Variants in PRELID2 observed in about 807,000 individuals in gnomAD.
PRELID2 encodes the protein PRELI domain-containing protein 2.
In PRELID2, 25 loss-of-function variants were observed where a neutral mutation model predicts 28.4. That is an observed-to-expected ratio of 0.88 (90% CI 0.64 to 1.23). PRELID2 has a LOEUF of 1.23. Among genes scored for constraint, PRELID2 ranks in the 50% most tolerant of loss-of-function variants. The pLI is 0.00. For missense variants in PRELID2, 201 were observed against 214.4 expected (o/e 0.94, Z 0.39); for synonymous variants, 76 against 71.6 (o/e 1.06, Z -0.31).
At chr5:145,542,755 TTC>T (rs1752754038) in intron 1 of PRELID2, among the ~76,000 whole-genome samples, 1 of 140,122 alleles carries the variant, frequency 7.1e-6, no homozygotes, top group African/African-American at 2.8e-5. Flanking sequence ...TGTAATTTCT[TTC>T]TTTCTTTCTT....
intron 1 of PRELID2, among the ~76,000 whole-genome samples, chr5:145,574,598 G>A (rs184440849): frequency 5.6e-4 from 85 of 152,204 alleles, no homozygotes; most frequent in Admixed American, 4.5e-3. Flanking sequence ...GGTCCTTACC[G>A]ACTTTTGTTT....
chr5:145,409,765 A>AG, the PRELID2 span, among the ~76,000 whole-genome samples: 23 of 151,828 alleles, frequency 1.5e-4, no homozygotes, highest in East Asian at 2.1e-3. Flanking sequence ...AAAAAAAAAA[A>AG]AGACAAAGAG....
chr5:145,274,986 T>C, the PRELID2 span, among the ~76,000 whole-genome samples: 2 of 152,306 alleles, frequency 1.3e-5, no homozygotes, highest in South Asian at 4.1e-4. Context: ...CACTATGTCC[T>C]CACTCTGTCT....
At chr5:145,483,700 CCA>C (rs1752187140) in intron 1 of PRELID2, among the ~76,000 whole-genome samples, 1 of 152,112 alleles carries the variant, frequency 6.6e-6, no homozygotes, top group African/African-American at 2.4e-5. Flanking sequence ...TCCTTCAAGA[CCA>C]CACATCCAAC....
intron 1 of PRELID2, among the ~76,000 whole-genome samples, chr5:145,608,571 C>T (rs1173673160): frequency 6.6e-6 from 1 of 152,156 alleles, no homozygotes. Context: ...ATATAGGCCC[C>T]CAATCTTCCA....
At chr5:145,320,808 CTATATT>C in the PRELID2 span, among the ~76,000 whole-genome samples, 1 of 152,112 alleles carries the variant, frequency 6.6e-6, no homozygotes, top group African/African-American at 2.4e-5. Flanking sequence ...GGTTTTAAGA[CTATATT>C]TATGTGTGCA....
At chr5:145,775,938 C>T (rs1758379737) in intron 5 of PRELID2, among the ~76,000 whole-genome samples, 1 of 152,034 alleles carries the variant, frequency 6.6e-6, no homozygotes, top group Non-Finnish European at 1.5e-5. Context: ...AAAAAAGCTA[C>T]ATACAGGAAA....
rs1469124027 is a variant in PRELID2 at position 145,741,750 on chromosome 5, ATAT to A, written n.70+23178_70+23180del. ...ATTTATTTATAAATAATTTATTTAT[ATAT>A]TAATTTATTTATATATAAATAAAAT... On this transcript the variant is annotated intron_variant and non_coding_transcript_variant, in intron 1 of 2. Coordinates refer to the PRELID2 transcript ENST00000510259. Among the ~76,000 whole-genome samples the A allele has an allele frequency of 2.3e-4, 25 of 107,134 alleles. 10 individuals are homozygous for A. The highest frequency in any genetic ancestry group is 3.7e-4 in the Non-Finnish European group (22 of 59,788). 70.3% of individuals were successfully genotyped at this position (107,134 alleles called of 152,430 possible).
intron 1 of PRELID2, among the ~76,000 whole-genome samples, chr5:145,587,411 T>C (rs188052659): frequency 6.5e-4 from 99 of 152,264 alleles, no homozygotes; most frequent in African/African-American, 2.2e-3. Flanking sequence ...ATTAGAAAGA[T>C]GCCGATGTCG....
At chr5:145,237,095 C>T in the PRELID2 span, among the ~76,000 whole-genome samples, 10 of 152,220 alleles carry the variant, frequency 6.6e-5, no homozygotes, top group African/African-American at 2.4e-4. Context: ...TTCTTCTGTC[C>T]TCTACCATAA....
At chr5:145,602,332 C>G (rs569820886) in intron 1 of PRELID2, among the ~76,000 whole-genome samples, 2 of 152,230 alleles carry the variant, frequency 1.3e-5, no homozygotes, top group South Asian at 4.2e-4. Flanking sequence ...CTAAAAGTAA[C>G]AGTGAGGAAA....
intron 1 of PRELID2, among the ~76,000 whole-genome samples, chr5:145,598,391 G>A (rs764158262): frequency 1.2e-4 from 19 of 152,076 alleles, no homozygotes; most frequent in Admixed American, 7.9e-4. Flanking sequence ...GATTGTTCTC[G>A]AAAAACCGGT....
rs199629030 is a variant in PRELID2, at chr5:145,758,166, AT to A, written c.*2369del. ...TTGGTTGCCAATAAAAAACTAGGAG[AT>A]TTTTTTTTTAATTCTGTCTTTTCTT... On this transcript the variant is annotated 3_prime_UTR_variant, in exon 7 of 7. Coordinates refer to ENST00000683046, the MANE Select transcript of PRELID2 (RefSeq NM_205846.3). Among the ~76,000 whole-genome samples the A allele has an allele frequency of 1.5e-4, 23 of 150,494 alleles. No homozygotes were observed. Among genetic ancestry groups the A allele is most frequent in the Admixed American group, 6.6e-4 (10 of 15,060 alleles).
chr5:145,287,069 T>G, the PRELID2 span, among the ~76,000 whole-genome samples: 1 of 152,178 alleles, frequency 6.6e-6, no homozygotes, highest in Non-Finnish European at 1.5e-5. Flanking sequence ...GAACTATTAA[T>G]ATATTTTTTA....
At chr5:145,738,406 C>G (rs1175229982) in intron 1 of PRELID2, among the ~76,000 whole-genome samples, 1 of 152,048 alleles carries the variant, frequency 6.6e-6, no homozygotes, top group Non-Finnish European at 1.5e-5. Flanking sequence ...CATTTTTAAG[C>G]AGCCATCACA....
At chr5:145,459,572 T>G in the PRELID2 span, among the ~76,000 whole-genome samples, 4 of 152,300 alleles carry the variant, frequency 2.6e-5, no homozygotes, top group East Asian at 7.7e-4. Flanking sequence ...ATTAACAATT[T>G]AAGTCACAGA....
the PRELID2 span, among the ~76,000 whole-genome samples, chr5:145,302,174 T>A: frequency 6.6e-6 from 1 of 152,130 alleles, no homozygotes; most frequent in Non-Finnish European, 1.5e-5. Context: ...CTTTCTTTCT[T>A]TTTCTGAGAC....
intron 1 of PRELID2, among the ~76,000 whole-genome samples, chr5:145,729,734 G>A (rs10065724): frequency 6.6e-6 from 1 of 152,152 alleles, no homozygotes; most frequent in Non-Finnish European, 1.5e-5. Context: ...CCCCATGTTG[G>A]GCAGCCAGGA....
At chr5:145,488,071 C>T (rs1339674639) in intron 1 of PRELID2, among the ~76,000 whole-genome samples, 4 of 144,700 alleles carry the variant, frequency 2.8e-5, no homozygotes, top group African/African-American at 7.7e-5. Context: ...TTGCAGTGAG[C>T]CGAGATCACA....
Sources: allele counts gnomAD v4.1 joint callset (sites outside exome capture counted in the v4.1 genomes callset), GRCh38; gene constraint gnomAD v4.1.1; transcripts MANE v1.5; gene names NCBI Gene and HGNC (gene_info 2026-07-23, HGNC 2026-07-21).